The following MCC variants were observed in gnomAD, a reference collection of about 807,000 sequenced individuals.
MCC encodes MCC regulator of Wnt signaling pathway, also known as colorectal mutant cancer protein.
Under a neutral mutation model 116.2 loss-of-function variants are expected in MCC, and 90 were observed. The observed-to-expected ratio is 0.77, with a 90% confidence interval of 0.65 to 0.92. The LOEUF (loss-of-function observed/expected upper bound fraction) is 0.92. Ranked by LOEUF, MCC falls within the 40% of genes least tolerant of loss-of-function variation. The probability of loss-of-function intolerance (pLI) is 0.00; values close to 1 mark genes in which losing one functional copy is unlikely to be tolerated. For synonymous variants in MCC, 578 were observed against 510.5 expected (o/e 1.13, Z -1.78); for missense variants, 1,516 against 1,312.2 (o/e 1.16, Z -2.40).
At chr5:113,090,531 T>C (rs931811343) in intron 8 of MCC, among the ~76,000 whole-genome samples, 6 of 152,190 alleles carry the variant, frequency 3.9e-5, no homozygotes, top group African/African-American at 1.2e-4. Context: ...GCCTGGGGCA[T>C]TGGCCGAAAC....
At chr5:113,160,134 A>G (rs1242326649) in intron 3 of MCC, among the ~76,000 whole-genome samples, 2 of 152,188 alleles carry the variant, frequency 1.3e-5, no homozygotes, top group Admixed American at 1.3e-4. Flanking sequence ...GATGGCTGAT[A>G]TAGGGAACAG....
chr5:113,402,110 C>T (rs1278434565), intron 1 of MCC, among the ~76,000 whole-genome samples: 6 of 151,814 alleles, frequency 4.0e-5, no homozygotes, highest in African/African-American at 4.8e-5. Flanking sequence ...CTGGCTAACA[C>T]GGTGGAATCC....
chr5:113,064,665 G>A (rs765460476), intron 13 of MCC, among the ~76,000 whole-genome samples: 3 of 152,194 alleles, frequency 2.0e-5, no homozygotes, highest in African/African-American at 7.2e-5. Flanking sequence ...GTTCAGACGA[G>A]AGCTTTAGAT....
rs74766797 is a variant in MCC, at chr5:113,484,771, G to A, written c.170+3474C>T. Among the ~76,000 whole-genome samples the A allele has an allele frequency of 5.0e-3, 760 of 152,120 alleles. 13 individuals are homozygous for A. Among genetic ancestry groups the A allele is most frequent in the African/African-American group, 0.017 (720 of 41,482 alleles). On this transcript the variant is annotated intron_variant, in intron 1 of 18. Coordinates refer to ENST00000408903, the MANE Select transcript of MCC (RefSeq NM_001085377.2). ...ACATAAGCAGTTTCTTATATTGAACGGTAAAAACAAAAAGCTTTAAAATTC... is the reference window on the plus strand; with the variant it reads ...ACATAAGCAGTTTCTTATATTGAACAGTAAAAACAAAAAGCTTTAAAATTC...
chr5:113,463,672 C>A (rs463167), intron 1 of MCC, among the ~76,000 whole-genome samples: 104,866 of 152,032 alleles, frequency 0.69, 36,588 homozygotes, highest in East Asian at 0.88. Context: ...AAATACCTGG[C>A]AGGAGATGAT....
chr5:113,082,129 A>C (rs182537327), intron 11 of MCC, among the ~76,000 whole-genome samples: 2 of 152,252 alleles, frequency 1.3e-5, no homozygotes, highest in East Asian at 3.8e-4. Context: ...GGCATGACAC[A>C]TAAGAGAGTC....
chr5:113,071,280 T>A, intron 11 of MCC, 46 bp from the exon 12 acceptor site: 1 of 1,590,512 alleles, frequency 6.3e-7, no homozygotes, highest in Non-Finnish European at 8.6e-7. Flanking sequence ...TACAGTTAAT[T>A]TGCCAATATT....
At chr5:113,069,319 T>C (rs1753859359) in intron 12 of MCC, among the ~76,000 whole-genome samples, 1 of 152,258 alleles carries the variant, frequency 6.6e-6, no homozygotes, top group East Asian at 1.9e-4. Flanking sequence ...TAGTCACTCT[T>C]CTTTGTGCCC....
intron 3 of MCC, among the ~76,000 whole-genome samples, chr5:113,289,077 A>G (rs1766377326): frequency 6.6e-6 from 1 of 152,162 alleles, no homozygotes; most frequent in Non-Finnish European, 1.5e-5. Context: ...TCACGCCTAC[A>G]ATCCCAACAC....
intron 3 of MCC, among the ~76,000 whole-genome samples, chr5:113,223,056 G>A (rs547473417): frequency 4.7e-4 from 72 of 152,286 alleles, no homozygotes; most frequent in African/African-American, 1.6e-3. Flanking sequence ...GTGTATCCCA[G>A]GCAGCCAGGA....
At chr5:113,120,940 C>T (rs1214753020) in intron 6 of MCC, among the ~76,000 whole-genome samples, 2 of 152,334 alleles carry the variant, frequency 1.3e-5, no homozygotes, top group East Asian at 3.9e-4. Flanking sequence ...CTCCACCTAT[C>T]ATATAGTTCC....
chr5:113,257,777 C>T (rs1246562583), intron 3 of MCC, among the ~76,000 whole-genome samples: 7 of 152,024 alleles, frequency 4.6e-5, no homozygotes, highest in East Asian at 1.9e-4. Flanking sequence ...GTTGGGAAAA[C>T]GTCATTAAAG....
At chr5:113,027,549 C>T in intron 18 of MCC, 67 bp from the exon 19 acceptor site, 1 of 1,399,192 alleles carries the variant, frequency 7.1e-7, no homozygotes, top group Non-Finnish European at 1.0e-6. Flanking sequence ...ACCATCCTGT[C>T]CACTGGATAA....
At chr5:113,179,027 A>C (rs1761480208) in intron 3 of MCC, among the ~76,000 whole-genome samples, 1 of 152,150 alleles carries the variant, frequency 6.6e-6, no homozygotes, top group South Asian at 2.1e-4. Context: ...GTCATAATTT[A>C]CTGTTAAAAT....
At position 113,469,409 on chromosome 5, in the gene MCC, C is replaced by T. The variant is rs530336377; in HGVS notation, c.170+18836G>A. Among the ~76,000 whole-genome samples, 3 of 152,262 alleles carry T rather than the reference C, an allele frequency of 2.0e-5. No individual in the cohort carries two copies. In the South Asian group the frequency reaches 6.2e-4, roughly 32 times the overall value. On this transcript the variant is annotated intron_variant, in intron 1 of 18. Transcript: ENST00000408903. The stretch of plus-strand genomic sequence containing the variant: ...CTTTGTTCTCGTTGGTTTCAAAGAA[C>T]ATCTTTATTTCTGCCTTCATTTTAC...
intron 3 of MCC, among the ~76,000 whole-genome samples, chr5:113,167,557 C>T (rs940589206): frequency 2.0e-5 from 3 of 152,118 alleles, no homozygotes; most frequent in Non-Finnish European, 4.4e-5. Context: ...GACTGAAACT[C>T]TCTAGACTTT....
At chr5:113,186,725 TG>T (rs780872036) in intron 3 of MCC, among the ~76,000 whole-genome samples, 86 of 152,222 alleles carry the variant, frequency 5.6e-4, no homozygotes, top group Non-Finnish European at 9.8e-4. Flanking sequence ...TTCAAGCCTA[TG>T]TACCTTTTCA....
Position 113,027,497 on chromosome 5 carries a change from A to G in MCC, c.2880-15T>C, listed in dbSNP as rs779544820. On this transcript the variant is annotated splice_polypyrimidine_tract_variant and intron_variant, in intron 18 of 18. Transcript: ENST00000408903. ...CCACCAGGTTGCTAGGTGGGAATGA[A>G]GGGAAATTGGTATTAAGATTCATCC... 3 of 1,613,530 alleles carry G rather than the reference A, an allele frequency of 1.9e-6. No individual in the cohort carries two copies. In the East Asian group the frequency reaches 6.7e-5, roughly 36 times the overall value.
chr5:113,226,349 G>T (rs1481826886), intron 3 of MCC, among the ~76,000 whole-genome samples: 1 of 152,242 alleles, frequency 6.6e-6, no homozygotes, highest in East Asian at 1.9e-4. Flanking sequence ...AAAGGCAGGA[G>T]CCATGATGGA....
Sources: allele counts gnomAD v4.1 joint callset (sites outside exome capture counted in the v4.1 genomes callset), GRCh38; gene constraint gnomAD v4.1.1; transcripts MANE v1.5; gene names NCBI Gene and HGNC (gene_info 2026-07-23, HGNC 2026-07-21).